NR3C1: variants seen among roughly 807,000 people sequenced by gnomAD.
The protein encoded by NR3C1 is nuclear receptor subfamily 3 group C member 1.
A neutral mutation model predicts 74.0 loss-of-function variants in NR3C1; 14 were observed. The observed-to-expected ratio is 0.19, with a 90% CI of 0.12 to 0.30. The LOEUF is 0.30. Among genes scored for constraint, NR3C1 ranks in the 10% least tolerant of loss-of-function variants. The pLI is 1.00. For synonymous variants in NR3C1, 308 were observed against 332.5 expected (o/e 0.93, Z 0.80); for missense variants, 695 against 909.8 (o/e 0.76, Z 3.04).
At chr5:143,382,706 T>A (rs574901547) in intron 2 of NR3C1, among the ~76,000 whole-genome samples, 1 of 152,232 alleles carries the variant, frequency 6.6e-6, no homozygotes. Flanking sequence ...TTTCCTCATA[T>A]GAAGTGAGAT....
chr5:143,354,591 T>C (rs1172681161), intron 2 of NR3C1, among the ~76,000 whole-genome samples: 2 of 152,144 alleles, frequency 1.3e-5, no homozygotes, highest in Non-Finnish European at 1.5e-5. Flanking sequence ...ATTTATCAAT[T>C]AAGTACGGTG....
intron 1 of NR3C1, 28 bp from the exon 2 acceptor site, chr5:143,400,880 G>GA: frequency 6.5e-7 from 1 of 1,526,880 alleles, no homozygotes; most frequent in Non-Finnish European, 9.0e-7. Flanking sequence ...AAAACGGGGG[G>GA]AAAACATCAT....
In NR3C1 at chr5:143,351,107, C is replaced by A. The variant is rs558197719; in HGVS notation, c.1185-36939G>T. Among the ~76,000 whole-genome samples, 3 of 152,328 alleles carry A rather than the reference C, an allele frequency of 2.0e-5. No individual in the cohort carries two copies. The East Asian group carries it at 5.8e-4, about 29-fold the overall frequency. ...AATGCTTTTACTACTTCTTGCCAGA[C>A]CTTTAGTAATGACTCATATAACTGC... On this transcript the variant is annotated intron_variant, in intron 2 of 8. Transcript: ENST00000394464.
At chr5:143,413,382 T>G (rs964381140) in intron 1 of NR3C1, among the ~76,000 whole-genome samples, 2 of 152,152 alleles carry the variant, frequency 1.3e-5, no homozygotes, top group African/African-American at 2.4e-5. Flanking sequence ...TAGACAACAT[T>G]CATTAGGTCA....
intron 1 of NR3C1, among the ~76,000 whole-genome samples, chr5:143,418,438 A>T (rs1190554654): frequency 6.6e-6 from 1 of 152,030 alleles, no homozygotes; most frequent in East Asian, 1.9e-4. Flanking sequence ...AAGTATCTGG[A>T]CTTTCCCTTC....
chr5:143,352,256 A>G (rs1030693529), intron 2 of NR3C1, among the ~76,000 whole-genome samples: 4 of 152,222 alleles, frequency 2.6e-5, no homozygotes, highest in African/African-American at 9.6e-5. Flanking sequence ...GTGGTTGTAA[A>G]GTGATCCTAG....
At chr5:143,357,440 C>A (rs540283960) in intron 2 of NR3C1, among the ~76,000 whole-genome samples, 9 of 152,138 alleles carry the variant, frequency 5.9e-5, no homozygotes, top group African/African-American at 1.2e-4. Flanking sequence ...TGGAGAAAAT[C>A]AAAAAATACA....
chr5:143,336,167 T>C (rs1242674325), intron 2 of NR3C1, among the ~76,000 whole-genome samples: 1 of 152,260 alleles, frequency 6.6e-6, no homozygotes, highest in Non-Finnish European at 1.5e-5. Flanking sequence ...ATTTCAAGTA[T>C]GATGATATAA....
intron 2 of NR3C1, among the ~76,000 whole-genome samples, chr5:143,347,550 G>C (rs1286451178): frequency 6.6e-6 from 1 of 152,130 alleles, no homozygotes; most frequent in Non-Finnish European, 1.5e-5. Flanking sequence ...GACTTTCTGG[G>C]AAATCCATTT....
intron 3 of NR3C1, among the ~76,000 whole-genome samples, chr5:143,311,777 G>A (rs1374997121): frequency 2.0e-5 from 3 of 148,336 alleles, no homozygotes; most frequent in African/African-American, 7.5e-5. Context: ...CAGGTGCGAT[G>A]CCTGGATAAC....
intron 2 of NR3C1, among the ~76,000 whole-genome samples, chr5:143,398,222 C>G (rs538900124): frequency 1.3e-5 from 2 of 152,012 alleles, no homozygotes; most frequent in East Asian, 3.9e-4. Flanking sequence ...ATAAAGATCT[C>G]AAATCTCCTT....
intron 2 of NR3C1, among the ~76,000 whole-genome samples, chr5:143,335,118 A>C (rs1303958735): frequency 1.3e-5 from 2 of 152,202 alleles, no homozygotes; most frequent in Non-Finnish European, 2.9e-5. Context: ...CTTGGTTTGA[A>C]TAGGAGGCAA....
At position 143,400,655 on chromosome 5, in the gene NR3C1, A is replaced by G; in HGVS notation, c.185T>C (p.Leu62Ser). ...SQSDSKQRRL[L>S]VDFPKGSVSN... ...TACTGAGCCTTTTGGAAAATCAACCAAAAGTCTTCGCTGCTTGGAGTCTGA... is the reference window on the plus strand; with the variant it reads ...TACTGAGCCTTTTGGAAAATCAACCGAAAGTCTTCGCTGCTTGGAGTCTGA... The change falls in exon 2 of 9, where the codon TTG becomes TCG. Residue 62 changes from leucine to serine, a missense_variant. Around this residue, in one of 4 missense-constraint regions of NR3C1, gnomAD observed 497 missense variants for 489.5 expected, o/e 1.02. Transcript: ENST00000394464. 6.2e-7 allele frequency: 1 copy of G among 1,614,058 alleles called. No individual in the cohort carries two copies. Among genetic ancestry groups the G allele is most frequent in the Non-Finnish European group, 8.5e-7 (1 of 1,179,874 alleles).
chr5:143,303,041 T>C (rs775771317), intron 4 of NR3C1, among the ~76,000 whole-genome samples: 17 of 151,674 alleles, frequency 1.1e-4, no homozygotes, highest in Non-Finnish European at 1.9e-4. Context: ...ACTAGCAAGA[T>C]TAACAAAGAA....
At chr5:143,389,122 T>C (rs535169029) in intron 2 of NR3C1, among the ~76,000 whole-genome samples, 1 of 152,284 alleles carries the variant, frequency 6.6e-6, no homozygotes, top group East Asian at 1.9e-4. Context: ...AGGAAGGAGT[T>C]TGAGATCTTT....
intron 2 of NR3C1, among the ~76,000 whole-genome samples, chr5:143,367,224 T>A (rs1198410578): frequency 6.6e-6 from 1 of 151,994 alleles, no homozygotes; most frequent in African/African-American, 2.4e-5. Context: ...ATTAAAACAA[T>A]CAAAAAGAAA....
chr5:143,424,272 C>G (rs912012026), intron 1 of NR3C1, among the ~76,000 whole-genome samples: 16 of 151,876 alleles, frequency 1.1e-4, no homozygotes, highest in African/African-American at 3.9e-4. Context: ...AAAATGCAGT[C>G]AGATATGAGG....
At chr5:143,410,990 TCA>T (rs1373813469) in intron 1 of NR3C1, among the ~76,000 whole-genome samples, 2 of 152,198 alleles carry the variant, frequency 1.3e-5, no homozygotes, top group African/African-American at 2.4e-5. Flanking sequence ...ATTTATAAAC[TCA>T]CAATCAAATA....
At chr5:143,416,167 T>C (rs1223821890) in intron 1 of NR3C1, among the ~76,000 whole-genome samples, 1 of 152,118 alleles carries the variant, frequency 6.6e-6, no homozygotes, top group African/African-American at 2.4e-5. Context: ...TTGCCAAGTA[T>C]CCCCTCTCCA....
Sources: allele counts gnomAD v4.1 joint callset (sites outside exome capture counted in the v4.1 genomes callset), GRCh38; gene constraint gnomAD v4.1.1; regional missense constraint gnomAD v4.1.1; transcripts MANE v1.5; gene names NCBI Gene and HGNC (gene_info 2026-07-23, HGNC 2026-07-21).